The following CAMK2D variants were observed in gnomAD, a reference collection of about 807,000 sequenced individuals.
The protein encoded by CAMK2D is calcium/calmodulin-dependent protein kinase type II subunit delta.
A neutral mutation model predicts 84.0 loss-of-function variants in CAMK2D; 37 were observed. That is an observed-to-expected ratio of 0.44 (90% CI 0.34 to 0.58). The LOEUF is 0.58. Among genes scored for constraint, CAMK2D ranks in the 20% least tolerant of loss-of-function variants. CAMK2D has a pLI of 0.02. For synonymous variants in CAMK2D, 202 were observed against 212.5 expected, an observed-to-expected ratio of 0.95 and a Z score of 0.43; for missense variants, 448 against 652.5, an observed-to-expected ratio of 0.69 and a Z score of 3.41.
intron 16 of CAMK2D, among the ~76,000 whole-genome samples, chr4:113,475,163 T>A (rs1003664971): frequency 6.6e-6 from 1 of 152,220 alleles, no homozygotes; most frequent in Non-Finnish European, 1.5e-5. Context: ...TTGAACTTAG[T>A]AAATAATAGA....
At chr4:113,500,028 T>C (rs2098011466) in intron 16 of CAMK2D, among the ~76,000 whole-genome samples, 1 of 107,956 alleles carries the variant, frequency 9.3e-6, no homozygotes, top group Non-Finnish European at 2.0e-5. Context: ...ATTCTACTGA[T>C]ATTATTTGAG....
intron 2 of CAMK2D, among the ~76,000 whole-genome samples, chr4:113,689,499 A>G (rs2099376683): frequency 3.3e-5 from 5 of 152,040 alleles, no homozygotes; most frequent in Admixed American, 3.3e-4. Flanking sequence ...TGTCTCTCCA[A>G]CCTTATTTTA....
chr4:113,754,409 A>C (rs1202221005), intron 2 of CAMK2D: 7 of 965,650 alleles, frequency 7.2e-6, no homozygotes, highest in Middle Eastern at 5.3e-4. Flanking sequence ...AGTACATGTA[A>C]GATTTCTAGT....
chr4:113,596,521 GATA>G (rs1325861952), intron 4 of CAMK2D, among the ~76,000 whole-genome samples: 1 of 152,152 alleles, frequency 6.6e-6, no homozygotes, highest in African/African-American at 2.4e-5. Context: ...ATACTTAAAA[GATA>G]ATATGACTCA....
chr4:113,714,844 A>G (rs1003464932), intron 2 of CAMK2D, among the ~76,000 whole-genome samples: 5 of 152,140 alleles, frequency 3.3e-5, no homozygotes, highest in African/African-American at 1.2e-4. Flanking sequence ...GATCTGTCTT[A>G]TATCAGTACC....
intron 16 of CAMK2D, among the ~76,000 whole-genome samples, chr4:113,477,818 C>G (rs576790033): frequency 2.3e-4 from 35 of 151,534 alleles, no homozygotes; most frequent in African/African-American, 7.7e-4. Context: ...TTAACCAATG[C>G]AACTGCAGTA....
At chr4:113,704,829 T>C (rs532868707) in intron 2 of CAMK2D, among the ~76,000 whole-genome samples, 1 of 152,254 alleles carries the variant, frequency 6.6e-6, no homozygotes. Flanking sequence ...GAAGGTATTA[T>C]TAACGAGGCT....
chr4:113,535,533 C>G (rs572939467), intron 7 of CAMK2D, among the ~76,000 whole-genome samples: 1 of 152,324 alleles, frequency 6.6e-6, no homozygotes, highest in South Asian at 2.1e-4. Flanking sequence ...CCCAAAATCT[C>G]TAAGGTGAAA....
rs906224962 is a variant in CAMK2D, at chr4:113,566,853, C to T, written c.276-14757G>A. On this transcript the variant is annotated intron_variant, in intron 4 of 20. Coordinates refer to ENST00000511664, the MANE Select transcript of CAMK2D (RefSeq NM_001321571.2). Reference sequence around the variant, plus strand: ...CCCTAGTTACGCACCAAATATCACCCTGTTTTCTTCATAGCACTAGAACTA... The same window carrying T: ...CCCTAGTTACGCACCAAATATCACCTTGTTTTCTTCATAGCACTAGAACTA... 4.6e-5 allele frequency among the ~76,000 whole-genome samples: 7 copies of T among 152,308 alleles called. No individual in the cohort carries two copies. In the East Asian group the frequency reaches 9.6e-4, roughly 21 times the overall value.
chr4:113,603,958 AAAAG>A (rs2098966847), intron 4 of CAMK2D, among the ~76,000 whole-genome samples: 1 of 151,456 alleles, frequency 6.6e-6, no homozygotes, highest in South Asian at 2.1e-4. Flanking sequence ...AAAAGAAAAA[AAAAG>A]AAGAAAATTT....
intron 8 of CAMK2D, among the ~76,000 whole-genome samples, chr4:113,522,243 T>TAGTA (rs2098369963): frequency 6.6e-6 from 1 of 152,204 alleles, no homozygotes; most frequent in African/African-American, 2.4e-5. Context: ...TCTGAGAAGA[T>TAGTA]AGTAGGAAGT....
chr4:113,565,999 T>TA (rs1392533280), intron 4 of CAMK2D, among the ~76,000 whole-genome samples: 1 of 152,234 alleles, frequency 6.6e-6, no homozygotes, highest in African/African-American at 2.4e-5. Flanking sequence ...TTCATCATTG[T>TA]AAAATGTTTT....
intron 3 of CAMK2D, among the ~76,000 whole-genome samples, chr4:113,611,180 C>G (rs2098998919): frequency 1.3e-5 from 2 of 152,070 alleles, no homozygotes; most frequent in Admixed American, 1.3e-4. Flanking sequence ...GAGATGCCTG[C>G]TAGCCTTGCT....
rs201504913 is a variant in CAMK2D, at chr4:113,455,785, T to C, written c.1572A>G (p.Ser524=). 1.5e-4 allele frequency: 235 copies of C among 1,612,370 alleles called. No individual in the cohort carries two copies. The highest frequency in any genetic ancestry group is 2.7e-4 in the Admixed American group (16 of 59,942). Residue 524 remains serine (S), a synonymous_variant, in exon 20 of 21, where the codon TCA becomes TCG. Coordinates refer to ENST00000511664, the MANE Select transcript of CAMK2D (RefSeq NM_001321571.2). ...PCIPNGKENF[S]GGTSLWQNI ...TGTTTTGCCACAAAGAGGTGCCTCC[T>C]GAGAAGTTTTCTTTCCCATTTGGAA...
At chr4:113,584,364 T>C (rs2098824428) in intron 4 of CAMK2D, among the ~76,000 whole-genome samples, 1 of 152,190 alleles carries the variant, frequency 6.6e-6, no homozygotes, top group African/African-American at 2.4e-5. Flanking sequence ...AGTTGTAGAA[T>C]GTGAAGCATG....
At chr4:113,704,457 A>G (rs1331971807) in intron 2 of CAMK2D, among the ~76,000 whole-genome samples, 3 of 152,216 alleles carry the variant, frequency 2.0e-5, no homozygotes, top group African/African-American at 4.8e-5. Flanking sequence ...TTTTATTTAA[A>G]GCAAGTCCAT....
intron 8 of CAMK2D, among the ~76,000 whole-genome samples, chr4:113,520,811 T>C (rs1025724942): frequency 2.0e-5 from 3 of 152,170 alleles, no homozygotes; most frequent in Non-Finnish European, 4.4e-5. Flanking sequence ...GAGGATCACT[T>C]GAGCCCAGGA....
At chr4:113,466,033 C>A (rs1448408616) in intron 16 of CAMK2D, among the ~76,000 whole-genome samples, 2 of 151,926 alleles carry the variant, frequency 1.3e-5, no homozygotes, top group Non-Finnish European at 2.9e-5. Context: ...GGGCGGATCA[C>A]CTGAGGTCAG....
chr4:113,531,925 A>G (rs1259622048), intron 7 of CAMK2D, among the ~76,000 whole-genome samples: 3 of 152,216 alleles, frequency 2.0e-5, no homozygotes, highest in African/African-American at 7.2e-5. Flanking sequence ...AATCTAGAGT[A>G]AAATATTTAT....
Sources: allele counts gnomAD v4.1 joint callset (sites outside exome capture counted in the v4.1 genomes callset), GRCh38; gene constraint gnomAD v4.1.1; transcripts MANE v1.5; gene names NCBI Gene and HGNC (gene_info 2026-07-23, HGNC 2026-07-21).